AGBL3: variants seen among roughly 807,000 people sequenced by gnomAD.
The protein encoded by AGBL3 is AGBL carboxypeptidase 3.
In AGBL3, 68 loss-of-function variants were observed where a neutral mutation model predicts 94.5. The ratio of observed to expected loss-of-function variants is 0.72; its 90% CI spans 0.59 to 0.88. AGBL3 has a LOEUF of 0.88. AGBL3 is among the 40% of genes least tolerant of loss of function. The probability of loss-of-function intolerance (pLI) is 0.00; values close to 1 mark genes in which losing one functional copy is unlikely to be tolerated. For missense variants in AGBL3, 934 were observed against 1,103.8 expected (o/e 0.85, Z 2.18); for synonymous variants, 354 against 370.7 (o/e 0.95, Z 0.52).
chr7:135,084,857 C>G (rs999682373), intron 15 of AGBL3, among the ~76,000 whole-genome samples: 8 of 152,048 alleles, frequency 5.3e-5, no homozygotes, highest in Non-Finnish European at 1.0e-4. Context: ...TGGATATATA[C>G]CCAGTAGTGG....
At chr7:135,068,995 G>C (rs530220618) in intron 12 of AGBL3, among the ~76,000 whole-genome samples, 1 of 152,216 alleles carries the variant, frequency 6.6e-6, no homozygotes, top group Admixed American at 6.5e-5. Flanking sequence ...ATCTCATGTG[G>C]AGACACAAAT....
At chr7:134,987,211 C>T (rs1242814696) in intron 1 of AGBL3, among the ~76,000 whole-genome samples, 1 of 152,126 alleles carries the variant, frequency 6.6e-6, no homozygotes, top group Non-Finnish European at 1.5e-5. Flanking sequence ...TAGAGAGGGG[C>T]GTAAACTAAT....
chr7:135,065,872 C>T (rs1345426177), intron 12 of AGBL3, among the ~76,000 whole-genome samples: 1 of 152,080 alleles, frequency 6.6e-6, no homozygotes. Context: ...GCCTGAGCAA[C>T]AGAATGAGAC....
At chr7:135,050,925 AG>A in intron 11 of AGBL3, 1 of 365,846 alleles carries the variant, frequency 2.7e-6, no homozygotes, top group Non-Finnish European at 5.2e-6. Flanking sequence ...TATTGATAGA[AG>A]ATTTACTATT....
chr7:135,115,724 C>T (rs1826227287), intron 16 of AGBL3, 113 bp downstream of exon 16: 4 of 841,076 alleles, frequency 4.8e-6, no homozygotes, highest in Non-Finnish European at 7.2e-6. Context: ...AAAATGATGT[C>T]AGCTCCATCA....
At chr7:135,094,640 A>T in intron 15 of AGBL3, 1 of 420,098 alleles carries the variant, frequency 2.4e-6, no homozygotes, top group Non-Finnish European at 4.7e-6. Flanking sequence ...ATTCTCCGTA[A>T]CAAGGGCCTA....
At chr7:135,001,933 A>G (rs1427880586) in intron 4 of AGBL3, among the ~76,000 whole-genome samples, 3 of 152,168 alleles carry the variant, frequency 2.0e-5, no homozygotes, top group Non-Finnish European at 4.4e-5. Context: ...TATCATTTCT[A>G]AATTCCAGTG....
At chr7:135,065,841 T>C (rs1008692897) in intron 12 of AGBL3, among the ~76,000 whole-genome samples, 7 of 152,200 alleles carry the variant, frequency 4.6e-5, no homozygotes, top group Non-Finnish European at 7.4e-5. Context: ...CAGTAAGTCA[T>C]GATTGGGCCA....
intron 15 of AGBL3, among the ~76,000 whole-genome samples, chr7:135,107,048 T>C (rs1039092209): frequency 6.6e-6 from 1 of 152,172 alleles, no homozygotes; most frequent in Non-Finnish European, 1.5e-5. Flanking sequence ...GTGGGGTTAG[T>C]GGTAACATCC....
At chr7:135,016,503 C>T (rs1813825271) in intron 4 of AGBL3, among the ~76,000 whole-genome samples, 1 of 151,204 alleles carries the variant, frequency 6.6e-6, no homozygotes, top group Non-Finnish European at 1.5e-5. Context: ...TCAAATAGGT[C>T]ATGGTCAGAA....
intron 12 of AGBL3, among the ~76,000 whole-genome samples, chr7:135,069,812 A>G (rs1819707946): frequency 6.6e-6 from 1 of 152,224 alleles, no homozygotes; most frequent in South Asian, 2.1e-4. Context: ...CAATTAAAAG[A>G]ACTAGAGAAG....
intron 15 of AGBL3, among the ~76,000 whole-genome samples, chr7:135,082,917 C>T (rs1242873022): frequency 6.6e-6 from 1 of 152,054 alleles, no homozygotes; most frequent in African/African-American, 2.4e-5. Flanking sequence ...ATCTGCTATA[C>T]ATCTCCACAC....
At chr7:135,019,593 T>C (rs1814197350) in intron 5 of AGBL3, among the ~76,000 whole-genome samples, 1 of 152,094 alleles carries the variant, frequency 6.6e-6, no homozygotes, top group Non-Finnish European at 1.5e-5. Context: ...GAAAAGACTA[T>C]CCTCGCATTG....
chr7:135,041,147 G>A (rs900115166), intron 8 of AGBL3, among the ~76,000 whole-genome samples: 1 of 151,960 alleles, frequency 6.6e-6, no homozygotes. Context: ...TGGAGACAAC[G>A]TGCTGTATTA....
intron 15 of AGBL3, among the ~76,000 whole-genome samples, chr7:135,105,858 T>C (rs1246154760): frequency 2.0e-5 from 3 of 152,256 alleles, no homozygotes; most frequent in Non-Finnish European, 4.4e-5. Flanking sequence ...ACATTGATTC[T>C]TCTGACCCAT....
At chr7:135,095,437 G>A (rs1822520088) in intron 15 of AGBL3, among the ~76,000 whole-genome samples, 1 of 152,120 alleles carries the variant, frequency 6.6e-6, no homozygotes, top group Non-Finnish European at 1.5e-5. Context: ...TATCCTAGAG[G>A]AATTCCAAGC....
At chr7:135,121,552 G>GAAA (rs76824052) in intron 16 of AGBL3, among the ~76,000 whole-genome samples, 2 of 123,628 alleles carry the variant, frequency 1.6e-5, no homozygotes, top group African/African-American at 3.0e-5. Flanking sequence ...AGGGTAATAG[G>GAAA]AAAAAAAAAA....
intron 7 of AGBL3, among the ~76,000 whole-genome samples, chr7:135,036,251 A>G (rs1408229672): frequency 6.6e-6 from 1 of 152,070 alleles, no homozygotes; most frequent in African/African-American, 2.4e-5. Flanking sequence ...AGCCTTTTCT[A>G]TTAATATTAG....
chr7:135,022,693 T>C (rs2116308836), intron 5 of AGBL3, among the ~76,000 whole-genome samples: 2 of 152,308 alleles, frequency 1.3e-5, no homozygotes, highest in South Asian at 4.1e-4. Flanking sequence ...TTTTAGCTTT[T>C]GTTGCAATTG....
Sources: gnomAD v4.1 joint callset for allele counts (sites outside exome capture counted in the v4.1 genomes callset) on GRCh38, gnomAD v4.1.1 for gene constraint, MANE v1.5 for transcripts, NCBI Gene and HGNC (gene_info 2026-07-23, HGNC 2026-07-21) for gene names.